Variants in KLHL3 observed in about 807,000 individuals in gnomAD.
The protein encoded by KLHL3 is kelch like family member 3, also known as kelch-like protein 3.
In KLHL3, 19 loss-of-function variants were observed where a neutral mutation model predicts 70.5. The ratio of observed to expected loss-of-function variants is 0.27; its 90% CI spans 0.19 to 0.40. The LOEUF is 0.40. KLHL3 is among the 10% of genes least tolerant of loss of function. The probability of loss-of-function intolerance (pLI) is 1.00; values close to 1 mark genes in which losing one functional copy is unlikely to be tolerated. For missense variants in KLHL3, 512 were observed against 771.1 expected (o/e 0.66, Z 3.98); for synonymous variants, 258 against 290.3 (o/e 0.89, Z 1.13).
At chr5:137,636,888 T>C (rs1750779877) in intron 11 of KLHL3, among the ~76,000 whole-genome samples, 1 of 152,202 alleles carries the variant, frequency 6.6e-6, no homozygotes, top group Non-Finnish European at 1.5e-5. Flanking sequence ...CTGTTAATGT[T>C]CAACATATGA....
At chr5:137,698,195 C>T (rs1752489981) in intron 4 of KLHL3, 92 bp downstream of exon 4, 2 of 1,510,470 alleles carry the variant, frequency 1.3e-6, no homozygotes, top group Non-Finnish European at 1.8e-6. Context: ...CAGTAACCAA[C>T]TGAATTGTTG....
Position 137,621,754 on chromosome 5 carries a change from A to C in KLHL3, c.*344T>G. 1 of 285,726 alleles carries C rather than the reference A, an allele frequency of 3.5e-6. No homozygotes were observed. Among genetic ancestry groups the C allele is most frequent in the Non-Finnish European group, 6.4e-6 (1 of 155,976 alleles). The allele number at this position is 285,726 out of a possible 1,614,324, so 17.7% of individuals were successfully genotyped here. On this transcript the variant is annotated 3_prime_UTR_variant, in exon 15 of 15. Transcript: ENST00000309755. ...CACACGCTCACCCCCCAACTTAGAG[A>C]AACATAGAGAAACACCATGGTCTAC...
chr5:137,668,569 C>T lies in KLHL3; in HGVS notation c.637-6538G>A, dbSNP rs191434688. Among the ~76,000 whole-genome samples, 50 of 152,316 alleles carry T rather than the reference C, an allele frequency of 3.3e-4. 1 individual carries two copies. The East Asian group carries it at 7.3e-3, about 22-fold the overall frequency. ...ATTGAGGCAATACCATTTACCAAAT[C>T]TCCTGCCATGCTTTTAAATCAAGAA... is the stretch of plus-strand genomic sequence containing the variant. On this transcript the variant is annotated intron_variant, in intron 6 of 14. Coordinates refer to ENST00000309755, the MANE Select transcript of KLHL3 (RefSeq NM_017415.3).
intron 6 of KLHL3, among the ~76,000 whole-genome samples, chr5:137,674,435 A>C (rs759441641): frequency 6.6e-6 from 1 of 152,230 alleles, no homozygotes; most frequent in Non-Finnish European, 1.5e-5. Context: ...TAGAAGTTAT[A>C]CTTGCAAACT....
intron 8 of KLHL3, among the ~76,000 whole-genome samples, chr5:137,648,140 G>A (rs2149890392): frequency 6.6e-6 from 1 of 152,344 alleles, no homozygotes; most frequent in Non-Finnish European, 1.5e-5. Flanking sequence ...AACCTGTGAG[G>A]GAGGGTAAGT....
intron 4 of KLHL3, among the ~76,000 whole-genome samples, chr5:137,694,534 C>A (rs1752400546): frequency 6.6e-6 from 1 of 152,134 alleles, no homozygotes; most frequent in South Asian, 2.1e-4. Context: ...GATTCCAGGA[C>A]CAGATTAGTC....
intron 5 of KLHL3, among the ~76,000 whole-genome samples, chr5:137,681,856 T>C (rs1284045828): frequency 1.3e-5 from 2 of 152,024 alleles, no homozygotes; most frequent in East Asian, 1.9e-4. Flanking sequence ...TTAAGTTCCA[T>C]GTCCTGATTG....
At position 137,621,800 on chromosome 5, in the gene KLHL3, A is replaced by T. The variant is rs1421109906; in HGVS notation, c.*298T>A. ...TCTACACACACACACACACACACAC[A>T]CACTCCAGGGTCTGTATTGTCCCTG... On this transcript the variant is annotated 3_prime_UTR_variant, in exon 15 of 15. Coordinates refer to ENST00000309755, the MANE Select transcript of KLHL3 (RefSeq NM_017415.3). The T allele has an allele frequency of 9.5e-5, 44 of 461,878 alleles. 1 individual carries two copies. The Admixed American group carries it at 1.5e-3, about 16-fold the overall frequency. 28.6% of individuals were successfully genotyped at this position (461,878 alleles called of 1,614,324 possible).
rs766349034 is a variant in KLHL3 at position 137,709,893 on chromosome 5, G to A, written c.135-37C>T. 8 of 1,513,264 alleles carry A rather than the reference G, an allele frequency of 5.3e-6. No homozygotes were observed. In the Admixed American group the frequency reaches 6.7e-5, roughly 13 times the overall value. The allele number at this position is 1,513,264 out of a possible 1,614,324, so 93.7% of individuals were successfully genotyped here. A position where few individuals can be genotyped will look rare whatever the true frequency, so the allele number is the denominator to read the frequency against. ...CAGTGAGAGGACAGGATGGGTTGCAGCAAGGACACCTACCCTCATCTTACA... is the reference window on the plus strand; with the variant it reads ...CAGTGAGAGGACAGGATGGGTTGCAACAAGGACACCTACCCTCATCTTACA... On this transcript the variant is annotated intron_variant, in intron 2 of 14. Transcript: ENST00000309755.
intron 3 of KLHL3, among the ~76,000 whole-genome samples, chr5:137,702,340 A>T (rs920880703): frequency 6.6e-6 from 1 of 152,176 alleles, no homozygotes; most frequent in Non-Finnish European, 1.5e-5. Context: ...GATCTGGAGG[A>T]GTCATAGTTA....
At chr5:137,704,333 C>A (rs1293431434) in intron 3 of KLHL3, among the ~76,000 whole-genome samples, 2 of 151,496 alleles carry the variant, frequency 1.3e-5, no homozygotes, top group Non-Finnish European at 2.9e-5. Context: ...TGCAGTGAGC[C>A]GAGATTGCGC....
intron 11 of KLHL3, among the ~76,000 whole-genome samples, chr5:137,636,863 A>C (rs1580722608): frequency 6.6e-6 from 1 of 152,168 alleles, no homozygotes; most frequent in South Asian, 2.1e-4. Flanking sequence ...AGAGGTGCCT[A>C]CCTCACTCAC....
At position 137,618,823 on chromosome 5, in the gene KLHL3, T is replaced by A. The variant is rs1756310526; in HGVS notation, c.*3275A>T. ...AGTGCTGAGTCGAACATAACATCAG[T>A]CCCTAGCAATTCAAGAAACACCAGT... is the stretch of plus-strand genomic sequence containing the variant. On this transcript the variant is annotated 3_prime_UTR_variant, in exon 15 of 15. Coordinates refer to ENST00000309755, the MANE Select transcript of KLHL3 (RefSeq NM_017415.3). 7.0e-6 allele frequency: 1 copy of A among 142,318 alleles called. No individual in the cohort carries two copies. 8.8% of individuals were successfully genotyped at this position (142,318 alleles called of 1,614,324 possible).
chr5:137,709,663 T>C lies in KLHL3; in HGVS notation c.241+87A>G, dbSNP rs557044765. 4.0e-5 allele frequency: 42 copies of C among 1,039,928 alleles called. No homozygotes were observed. In the African/African-American group the frequency reaches 6.3e-4, roughly 15 times the overall value. The allele number at this position is 1,039,928 out of a possible 1,614,324, so 64.4% of individuals were successfully genotyped here. ...AGTGGGCTAATGGCTTTCTCTTTCC[T>C]CCCTCCCCTCATGTCACCACCCCCA... On this transcript the variant is annotated intron_variant, in intron 3 of 14. Coordinates refer to ENST00000309755, the MANE Select transcript of KLHL3 (RefSeq NM_017415.3).
At chr5:137,712,156 CAAAA>C (rs201519598) in intron 2 of KLHL3, among the ~76,000 whole-genome samples, 1 of 74,860 alleles carries the variant, frequency 1.3e-5, no homozygotes, top group African/African-American at 5.5e-5. Context: ...AAGATTCTGT[CAAAA>C]AAAAAAAAAA....
intron 3 of KLHL3, among the ~76,000 whole-genome samples, chr5:137,699,395 T>A (rs1752519637): frequency 6.6e-6 from 1 of 151,978 alleles, no homozygotes; most frequent in Non-Finnish European, 1.5e-5. Context: ...GCCCTGTAAG[T>A]CAAGCTGGGA....
intron 12 of KLHL3, among the ~76,000 whole-genome samples, chr5:137,630,149 C>A (rs879765650): frequency 4.6e-5 from 7 of 152,158 alleles, no homozygotes; most frequent in African/African-American, 1.4e-4. Context: ...CCAAATCTTA[C>A]GAAAGTGAAG....
chr5:137,702,646 C>T (rs931620056), intron 3 of KLHL3, among the ~76,000 whole-genome samples: 1 of 152,152 alleles, frequency 6.6e-6, no homozygotes, highest in African/African-American at 2.4e-5. Context: ...TTGGGAAAAT[C>T]ACTGTAGCCA....
chr5:137,672,822 C>CA (rs1178117114), intron 6 of KLHL3: 1 of 152,186 alleles, frequency 6.6e-6, no homozygotes, highest in African/African-American at 2.4e-5. Flanking sequence ...GTCACTGGGT[C>CA]ACTGAGGATG....
Sources: gnomAD v4.1 joint callset for allele counts (sites outside exome capture counted in the v4.1 genomes callset) on GRCh38, gnomAD v4.1.1 for gene constraint, MANE v1.5 for transcripts, NCBI Gene and HGNC (gene_info 2026-07-23, HGNC 2026-07-21) for gene names.